The following ARB2A variants were observed in gnomAD, a reference collection of about 807,000 sequenced individuals.
ARB2A encodes the protein ARB2 cotranscriptional regulator A.
chr5:93,756,042 G>A, the ARB2A span, among the ~76,000 whole-genome samples: 1 of 152,172 alleles, frequency 6.6e-6, no homozygotes, highest in African/African-American at 2.4e-5. Context: ...GGGGGGCATG[G>A]TGGGAGTGAG....
chr5:93,854,738 G>A, the ARB2A span, among the ~76,000 whole-genome samples: 1 of 152,164 alleles, frequency 6.6e-6, no homozygotes, highest in Non-Finnish European at 1.5e-5. Context: ...TCAGGAGCAG[G>A]TTGTTCAGTT....
the ARB2A span, among the ~76,000 whole-genome samples, chr5:93,793,749 G>A: frequency 6.6e-6 from 1 of 152,150 alleles, no homozygotes; most frequent in Non-Finnish European, 1.5e-5. Flanking sequence ...GGATATTAAG[G>A]TGTGTCGTTA....
chr5:94,075,255 T>A, the ARB2A span, among the ~76,000 whole-genome samples: 1 of 152,050 alleles, frequency 6.6e-6, no homozygotes, highest in Non-Finnish European at 1.5e-5. Flanking sequence ...ATAAAGTATC[T>A]ACAAATTTCC....
At chr5:93,851,374 T>C in the ARB2A span, among the ~76,000 whole-genome samples, 14 of 152,314 alleles carry the variant, frequency 9.2e-5, no homozygotes, top group East Asian at 1.9e-4. Context: ...CTGGTCATTG[T>C]AGTAATTTTG....
chr5:94,021,921 AT>A, the ARB2A span, among the ~76,000 whole-genome samples: 2 of 152,130 alleles, frequency 1.3e-5, no homozygotes, highest in African/African-American at 4.8e-5. Flanking sequence ...ATACAAAAAC[AT>A]TAGTTGAGAG....
the ARB2A span, among the ~76,000 whole-genome samples, chr5:93,717,331 C>A: frequency 1.3e-5 from 2 of 152,048 alleles, no homozygotes; most frequent in Non-Finnish European, 2.9e-5. Flanking sequence ...AGGTCAGCAC[C>A]AAGCGGTGCC....
chr5:93,893,993 T>C, the ARB2A span, among the ~76,000 whole-genome samples: 1 of 152,186 alleles, frequency 6.6e-6, no homozygotes, highest in East Asian at 1.9e-4. Context: ...TTTCAAAATA[T>C]GTGTTGCAGG....
the ARB2A span, among the ~76,000 whole-genome samples, chr5:94,060,294 G>A: frequency 6.6e-6 from 1 of 152,094 alleles, no homozygotes; most frequent in African/African-American, 2.4e-5. Context: ...GGAGGTTGCA[G>A]TGAGCCAAGA....
chr5:93,666,297 T>C, the ARB2A span, among the ~76,000 whole-genome samples: 3 of 152,208 alleles, frequency 2.0e-5, no homozygotes, highest in Non-Finnish European at 4.4e-5. Flanking sequence ...GAATGACATA[T>C]GGAAGGTGTA....
At chr5:93,893,785 A>AT in the ARB2A span, among the ~76,000 whole-genome samples, 4 of 152,280 alleles carry the variant, frequency 2.6e-5, no homozygotes, top group East Asian at 3.9e-4. Context: ...GTATAAAATT[A>AT]TTTTTTTACA....
the ARB2A span, among the ~76,000 whole-genome samples, chr5:93,939,725 A>G: frequency 6.6e-6 from 1 of 152,120 alleles, no homozygotes; most frequent in African/African-American, 2.4e-5. Flanking sequence ...CTTCAGTGCT[A>G]TTAATATTTT....
the ARB2A span, among the ~76,000 whole-genome samples, chr5:93,872,251 C>T: frequency 1.2e-3 from 178 of 152,152 alleles, no homozygotes; most frequent in African/African-American, 4.1e-3. Context: ...CCCGGTCCCA[C>T]TGGTTGTTTT....
At chr5:94,033,918 T>C in the ARB2A span, among the ~76,000 whole-genome samples, 4 of 152,232 alleles carry the variant, frequency 2.6e-5, no homozygotes, top group East Asian at 1.9e-4. Flanking sequence ...GTCTCAAGAC[T>C]GGGTTATTTC....
the ARB2A span, among the ~76,000 whole-genome samples, chr5:93,783,598 T>G: frequency 6.6e-6 from 1 of 152,050 alleles, no homozygotes; most frequent in South Asian, 2.1e-4. Context: ...ATCAGCTCAT[T>G]CATACTATAT....
At chr5:94,075,244 T>C in the ARB2A span, among the ~76,000 whole-genome samples, 3 of 152,032 alleles carry the variant, frequency 2.0e-5, no homozygotes, top group African/African-American at 7.2e-5. Flanking sequence ...TACGTAAATA[T>C]ATAAAGTATC....
At chr5:93,808,098 C>A in the ARB2A span, among the ~76,000 whole-genome samples, 1 of 151,918 alleles carries the variant, frequency 6.6e-6, no homozygotes, top group Non-Finnish European at 1.5e-5. Context: ...CGCAATAGAT[C>A]AATTGGATAT....
the ARB2A span, among the ~76,000 whole-genome samples, chr5:93,731,432 T>G: frequency 5.9e-5 from 9 of 152,200 alleles, no homozygotes; most frequent in Non-Finnish European, 1.2e-4. Context: ...GAACCAACCC[T>G]GCCCACAAAC....
chr5:93,701,503 C>A, the ARB2A span, among the ~76,000 whole-genome samples: 1 of 152,042 alleles, frequency 6.6e-6, no homozygotes, highest in African/African-American at 2.4e-5. Context: ...CCAAGGTTCA[C>A]TCACCCCAAG....
the ARB2A span, among the ~76,000 whole-genome samples, chr5:93,995,905 T>C: frequency 3.9e-5 from 6 of 152,162 alleles, no homozygotes; most frequent in African/African-American, 1.2e-4. Flanking sequence ...AAGAAACTTC[T>C]GGAGAAATAC....
Sources: gnomAD v4.1 joint callset for allele counts (sites outside exome capture counted in the v4.1 genomes callset) on GRCh38, gnomAD v4.1.1 for gene constraint, MANE v1.5 for transcripts, NCBI Gene and HGNC (gene_info 2026-07-23, HGNC 2026-07-21) for gene names.